Variants in ALDH1A1 observed in about 807,000 individuals in gnomAD.
The protein encoded by ALDH1A1 is aldehyde dehydrogenase 1A1.
A neutral mutation model predicts 62.1 loss-of-function variants in ALDH1A1; 19 were observed. The ratio of observed to expected loss-of-function variants is 0.31; its 90% CI spans 0.21 to 0.45. The LOEUF is 0.45. ALDH1A1 is among the 20% of genes least tolerant of loss of function. The pLI is 1.00. For missense variants in ALDH1A1, 521 were observed against 607.1 expected (o/e 0.86, Z 1.49); for synonymous variants, 231 against 215.9 (o/e 1.07, Z -0.61).
intron 1 of ALDH1A1, among the ~76,000 whole-genome samples, chr9:72,951,320 G>A (rs765741818): frequency 1.3e-5 from 2 of 151,758 alleles, no homozygotes; most frequent in African/African-American, 4.8e-5. Context: ...CATCTCATTT[G>A]TCTAGTACCG....
At chr9:72,936,072 A>T (rs2118557600) in intron 2 of ALDH1A1, among the ~76,000 whole-genome samples, 1 of 152,338 alleles carries the variant, frequency 6.6e-6, no homozygotes, top group East Asian at 1.9e-4. Flanking sequence ...CCAGTTGACC[A>T]GCCAACTCAG....
intron 1 of ALDH1A1, among the ~76,000 whole-genome samples, chr9:72,948,176 G>T (rs973249612): frequency 1.7e-4 from 26 of 152,006 alleles, no homozygotes; most frequent in African/African-American, 6.3e-4. Context: ...ATTGAAGCCA[G>T]GTTTAGCTTG....
intron 2 of ALDH1A1, among the ~76,000 whole-genome samples, chr9:72,939,375 T>C (rs909268448): frequency 1.3e-5 from 2 of 152,184 alleles, no homozygotes; most frequent in Non-Finnish European, 2.9e-5. Flanking sequence ...TCAATTTAAG[T>C]TATTCTATAA....
intron 11 of ALDH1A1, among the ~76,000 whole-genome samples, chr9:72,908,601 AAG>A (rs1270890138): frequency 2.1e-5 from 3 of 144,594 alleles, no homozygotes; most frequent in Admixed American, 6.8e-5. Flanking sequence ...GAAAGAAAGA[AAG>A]AAAGAAAGAA....
At chr9:72,948,929 G>C (rs920272833) in intron 1 of ALDH1A1, among the ~76,000 whole-genome samples, 1 of 151,766 alleles carries the variant, frequency 6.6e-6, no homozygotes, top group Admixed American at 6.6e-5. Flanking sequence ...TTTGTTTGTT[G>C]TAAGAATTTA....
At chr9:72,941,043 T>C (rs1028007258) in intron 1 of ALDH1A1, among the ~76,000 whole-genome samples, 3 of 152,212 alleles carry the variant, frequency 2.0e-5, no homozygotes, top group Non-Finnish European at 2.9e-5. Context: ...TTCACATTTC[T>C]AATTATTTGA....
intron 2 of ALDH1A1, among the ~76,000 whole-genome samples, chr9:72,934,147 C>G (rs1268778749): frequency 6.6e-6 from 1 of 152,024 alleles, no homozygotes; most frequent in Non-Finnish European, 1.5e-5. Flanking sequence ...GTCTAAAATT[C>G]CTGGGTTCAA....
intron 7 of ALDH1A1, among the ~76,000 whole-genome samples, chr9:72,919,423 A>G (rs1830107433): frequency 6.6e-6 from 1 of 152,098 alleles, no homozygotes; most frequent in Admixed American, 6.5e-5. Flanking sequence ...TATTTTTCTT[A>G]GGGGTCCAGC....
At chr9:72,939,200 T>A (rs1378668954) in intron 2 of ALDH1A1, among the ~76,000 whole-genome samples, 1 of 152,174 alleles carries the variant, frequency 6.6e-6, no homozygotes, top group Non-Finnish European at 1.5e-5. Context: ...TGCCATCTCA[T>A]CATTATTTGT....
intron 1 of ALDH1A1, among the ~76,000 whole-genome samples, chr9:72,946,451 T>C (rs1428450497): frequency 6.6e-6 from 1 of 151,926 alleles, no homozygotes; most frequent in Non-Finnish European, 1.5e-5. Context: ...GTAGAGATAA[T>C]ATCAGAAAAC....
intron 2 of ALDH1A1, among the ~76,000 whole-genome samples, chr9:72,938,470 G>A (rs960344114): frequency 4.6e-5 from 7 of 151,862 alleles, no homozygotes; most frequent in Admixed American, 3.3e-4. Context: ...TTTTTGAGAC[G>A]GAGTTTCGCT....
intron 10 of ALDH1A1, 101 bp from the exon 11 acceptor site, chr9:72,909,860 A>T: frequency 1.9e-6 from 2 of 1,049,546 alleles, no homozygotes; most frequent in Non-Finnish European, 2.6e-6. Flanking sequence ...TAAATTGATT[A>T]AGATTTTGCT....
intron 1 of ALDH1A1, among the ~76,000 whole-genome samples, chr9:72,943,433 A>C (rs898496505): frequency 1.3e-5 from 2 of 152,192 alleles, no homozygotes; most frequent in African/African-American, 4.8e-5. Context: ...TAAGCTGTAC[A>C]TAAAACTGCC....
At chr9:72,915,130 A>G (rs975901605) in intron 9 of ALDH1A1, among the ~76,000 whole-genome samples, 3 of 152,224 alleles carry the variant, frequency 2.0e-5, no homozygotes, top group Non-Finnish European at 2.9e-5. Flanking sequence ...CTAAATTCTT[A>G]TATTAATCAG....
chr9:72,908,570 A>T (rs1829925057), intron 11 of ALDH1A1, among the ~76,000 whole-genome samples: 6 of 99,670 alleles, frequency 6.0e-5, no homozygotes, highest in African/African-American at 2.2e-4. Flanking sequence ...AAAGAAAGAA[A>T]GAAAGAAAGA....
intron 11 of ALDH1A1, among the ~76,000 whole-genome samples, chr9:72,907,499 A>G (rs1245653496): frequency 6.6e-6 from 1 of 152,228 alleles, no homozygotes; most frequent in Admixed American, 6.5e-5. Flanking sequence ...CAAGCATGGA[A>G]CATTCTGCTA....
Position 72,924,139 on chromosome 9 carries a change from G to T in ALDH1A1, c.634-7C>A, listed in dbSNP as rs755750498. On this transcript the variant is annotated splice_polypyrimidine_tract_variant and splice_region_variant and intron_variant, in intron 6 of 12. Coordinates refer to ENST00000297785, the MANE Select transcript of ALDH1A1 (RefSeq NM_000689.5). ...CTCCAGGAGGAAACCCTGCCTAAAA[G>T]ATAAAAAGTTTAAAAGTTACAGTAT... 3.3e-5 allele frequency: 53 copies of T among 1,585,512 alleles called. No individual in the cohort carries two copies. The East Asian group carries it at 1.2e-3, about 36-fold the overall frequency.
chr9:72,921,619 A>G (rs1001839292), intron 7 of ALDH1A1, among the ~76,000 whole-genome samples: 1 of 145,672 alleles, frequency 6.9e-6, no homozygotes, highest in African/African-American at 2.6e-5. Context: ...GGTGCGCTGC[A>G]CCCACTAATG....
chr9:72,949,844 A>AG (rs1357071137), intron 1 of ALDH1A1, among the ~76,000 whole-genome samples: 1 of 150,698 alleles, frequency 6.6e-6, no homozygotes, highest in Non-Finnish European at 1.5e-5. Context: ...TTTTATAAAA[A>AG]AAAAAAAAGA....
Sources: allele counts gnomAD v4.1 joint callset (sites outside exome capture counted in the v4.1 genomes callset), GRCh38; gene constraint gnomAD v4.1.1; transcripts MANE v1.5; gene names NCBI Gene and HGNC (gene_info 2026-07-23, HGNC 2026-07-21).